XAGE3: variants seen among roughly 807,000 people sequenced by gnomAD.
The protein encoded by XAGE3 is X antigen family member 3, also known as CT12.3.
XAGE3 carries 6 observed loss-of-function variants against 9.2 expected under a neutral mutation model. The ratio of observed to expected loss-of-function variants is 0.65; its 90% CI spans 0.36 to 1.29. XAGE3 has a LOEUF of 1.29. Ranked by LOEUF, XAGE3 falls within the 50% of genes most tolerant of loss-of-function variation. The pLI, the probability that XAGE3 is intolerant of heterozygous loss-of-function variation, is 0.03. For synonymous variants in XAGE3, 26 were observed against 28.2 expected (o/e 0.92, Z 0.25); for missense variants, 70 against 82.8 (o/e 0.85, Z 0.60).
chrX:52,867,992 G>A lies in XAGE3; in HGVS notation c.-9+14C>T. ...CACACTTCAACCCTTGGGAGGACTG[G>A]CCTGCGGACCTACCAGCTGCGTCTC... is the stretch of plus-strand genomic sequence containing the variant. On this transcript the variant is annotated intron_variant, in intron 1 of 4. Coordinates refer to ENST00000346279, the MANE Select transcript of XAGE3 (RefSeq NM_133179.3). The A allele has an allele frequency of 8.8e-6, 1 of 113,051 alleles. No individual in the cohort carries two copies. The highest frequency in any genetic ancestry group is 1.9e-5 in the Non-Finnish European group (1 of 53,304). 9.3% of individuals were successfully genotyped at this position (113,051 alleles called of 1,213,427 possible). A position where few individuals can be genotyped will look rare whatever the true frequency, so the allele number is the denominator to read the frequency against.
Position 52,864,886 on chromosome X carries a change from C to T in XAGE3, c.202G>A (p.Ala68Thr). ...AAETQVPDLE[A>T]DLQELSQSKT... ...GACTGAGACAGCTCCTGGAGATCAG[C>T]TTCCAGGTCAGGCACTAAAAAATAC... is the stretch of plus-strand genomic sequence containing the variant. Residue 68 changes from alanine to threonine, a missense_variant, in exon 4 of 5, where the codon GCT becomes ACT. Coordinates refer to ENST00000346279, the MANE Select transcript of XAGE3 (RefSeq NM_133179.3). The T allele has an allele frequency of 8.3e-7, 1 of 1,210,900 alleles. No homozygotes were observed. The highest frequency in any genetic ancestry group is 1.1e-6 in the Non-Finnish European group (1 of 895,041).
chrX:52,867,550 G>C (rs1452095671), intron 1 of XAGE3, among the ~76,000 whole-genome samples: 3 of 111,098 alleles, frequency 2.7e-5, no homozygotes, highest in African/African-American at 9.8e-5. Context: ...AACCTCCACA[G>C]TGGAGTTGAG....
intron 3 of XAGE3, 103 bp downstream of exon 3, chrX:52,866,330 C>G (rs781924895): frequency 4.9e-5 from 42 of 861,116 alleles, no homozygotes; most frequent in Non-Finnish European, 6.7e-5. Context: ...AGATCCTTTC[C>G]TAATGTTTTC....
At chrX:52,862,825 A>G (rs782236134) in intron 4 of XAGE3, among the ~76,000 whole-genome samples, 185 bp from the exon 5 acceptor site, 2 of 114,711 alleles carry the variant, frequency 1.7e-5, no homozygotes, top group African/African-American at 6.3e-5. Flanking sequence ...GCTTCCAAGT[A>G]TATACATTAG....
In XAGE3 at chrX:52,865,253, A is replaced by T. The variant is rs148902597; in HGVS notation, c.188-353T>A. 3.8e-3 allele frequency among the ~76,000 whole-genome samples: 429 copies of T among 111,967 alleles called. 1 individual carries two copies. Among genetic ancestry groups the T allele is most frequent in the African/African-American group, 0.013 (409 of 30,908 alleles). On this transcript the variant is annotated intron_variant, in intron 3 of 4. Coordinates refer to ENST00000346279, the MANE Select transcript of XAGE3 (RefSeq NM_133179.3). ...AGATGAATATATTGGTGAGCCTATG[A>T]CAAATCTTACAGTCCTGACACTCAT...
chrX:52,867,868 G>A (rs1240449683), intron 1 of XAGE3, 138 bp downstream of exon 1: 1 of 111,182 alleles, frequency 9.0e-6, no homozygotes, highest in African/African-American at 3.3e-5. Flanking sequence ...GCCACCTCAC[G>A]AGGAGAAGGA....
At chrX:52,863,279 C>T (rs145210338) in intron 4 of XAGE3, among the ~76,000 whole-genome samples, 1 of 111,695 alleles carries the variant, frequency 9.0e-6, no homozygotes. Context: ...ATGAAGAGTC[C>T]CTCTTTTTAC....
intron 1 of XAGE3, among the ~76,000 whole-genome samples, chrX:52,867,483 G>A (rs1292516785): frequency 9.0e-6 from 1 of 111,137 alleles, no homozygotes; most frequent in Non-Finnish European, 1.9e-5. Flanking sequence ...CCCATTTGCT[G>A]GGCCCATTTC....
chrX:52,862,702 AGGT>A, intron 4 of XAGE3, 62 bp from the exon 5 acceptor site: 2 of 1,180,130 alleles, frequency 1.7e-6, no homozygotes, highest in Non-Finnish European at 2.3e-6. Context: ...ATGACATTAA[AGGT>A]AGGCAAAGGA....
intron 3 of XAGE3, among the ~76,000 whole-genome samples, 169 bp downstream of exon 3, chrX:52,866,264 C>T (rs1345979399): frequency 2.7e-5 from 3 of 111,950 alleles, no homozygotes; most frequent in Non-Finnish European, 5.6e-5. Context: ...TCATTATATC[C>T]ATGAAGCTGC....
chrX:52,862,678 AG>A lies in XAGE3; in HGVS notation c.314-39del, dbSNP rs782370668. 16 of 1,207,460 alleles carry A rather than the reference AG, an allele frequency of 1.3e-5. No homozygotes were observed. The African/African-American group carries it at 2.8e-4, about 21-fold the overall frequency. On this transcript the variant is annotated intron_variant, in intron 4 of 4. Transcript: ENST00000346279. ...TATAACAGGAGGGAACATTAGTAGC[AG>A]AACTGTATTCAGATGACATTAAAGG...
chrX:52,866,683 A>G lies in XAGE3; in HGVS notation c.82-145T>C, dbSNP rs781882416. 648 of 556,892 alleles carry G rather than the reference A, an allele frequency of 1.2e-3. 5 individuals are homozygous for G. Among genetic ancestry groups the G allele is most frequent in the Admixed American group, 1.7e-3 (42 of 24,702 alleles). The allele number at this position is 556,892 out of a possible 1,213,427, so 45.9% of individuals were successfully genotyped here. Reference sequence around the variant, plus strand: ...ACATTTCTCCAACACGATTCCACATACTTATTTTTCATAAAGTTACTCTTC... The same window carrying G: ...ACATTTCTCCAACACGATTCCACATGCTTATTTTTCATAAAGTTACTCTTC... On this transcript the variant is annotated intron_variant, in intron 2 of 4. Coordinates refer to ENST00000346279, the MANE Select transcript of XAGE3 (RefSeq NM_133179.3).
chrX:52,863,661 C>A (rs781863715), intron 4 of XAGE3, among the ~76,000 whole-genome samples: 1 of 111,900 alleles, frequency 8.9e-6, no homozygotes, highest in East Asian at 2.8e-4. Flanking sequence ...TTCGATTATA[C>A]CATATATTCA....
At chrX:52,863,282 C>A (rs1328987894) in intron 4 of XAGE3, among the ~76,000 whole-genome samples, 3 of 112,083 alleles carry the variant, frequency 2.7e-5, no homozygotes, top group African/African-American at 9.7e-5. Flanking sequence ...AAGAGTCCCT[C>A]TTTTTACACT....
chrX:52,864,223 A>G (rs1312890625), intron 4 of XAGE3, among the ~76,000 whole-genome samples: 1 of 112,566 alleles, frequency 8.9e-6, no homozygotes, highest in African/African-American at 3.2e-5. Flanking sequence ...CAACTCAGAT[A>G]TTATAACTGG....
At position 52,867,205 on chromosome X, in the gene XAGE3, C is replaced by T; in HGVS notation, c.-8-64G>A. On this transcript the variant is annotated intron_variant, in intron 1 of 4. Coordinates refer to ENST00000346279, the MANE Select transcript of XAGE3 (RefSeq NM_133179.3). ...AAAGACAGCTATATTTGACCACTTC[C>T]ATGACCAAATATTAACTTGTCATTT... 1.8e-5 allele frequency: 17 copies of T among 937,379 alleles called. No homozygotes were observed. In the South Asian group the frequency reaches 4.0e-4, roughly 22 times the overall value. The allele number at this position is 937,379 out of a possible 1,213,427, so 77.3% of individuals were successfully genotyped here.
chrX:52,866,336 T>C (rs1927883755), intron 3 of XAGE3, 97 bp downstream of exon 3: 1 of 906,402 alleles, frequency 1.1e-6, no homozygotes, highest in African/African-American at 2.0e-5. Flanking sequence ...TTTCCTAATG[T>C]TTTCTTTCCT....
rs782348094 is a variant in XAGE3 at position 52,864,902 on chromosome X, T to TA, written c.188-3dup. On this transcript the variant is annotated splice_region_variant and splice_polypyrimidine_tract_variant and intron_variant, in intron 3 of 4. Transcript: ENST00000346279. ...GGAGATCAGCTTCCAGGTCAGGCACTAAAAAATACAAAGGTTGTCGATTGA... is the reference window on the plus strand; with the variant it reads ...GGAGATCAGCTTCCAGGTCAGGCACTAAAAAAATACAAAGGTTGTCGATTGA... The TA allele has an allele frequency of 8.3e-7, 1 of 1,207,959 alleles. No homozygotes were observed. The highest frequency in any genetic ancestry group is 1.8e-5 in the African/African-American group (1 of 56,930).
At chrX:52,863,698 CCAT>C (rs1927815990) in intron 4 of XAGE3, among the ~76,000 whole-genome samples, 2 of 111,754 alleles carry the variant, frequency 1.8e-5, no homozygotes, top group Non-Finnish European at 3.8e-5. Context: ...TGTTCATATT[CCAT>C]GTTGAGCTTT....
Sources: allele counts gnomAD v4.1 joint callset (sites outside exome capture counted in the v4.1 genomes callset), GRCh38; gene constraint gnomAD v4.1.1; transcripts MANE v1.5; gene names NCBI Gene and HGNC (gene_info 2026-07-23, HGNC 2026-07-21).